UPRT: variants seen among roughly 807,000 people sequenced by gnomAD.
UPRT encodes RP11-311P8.3.
Under a neutral mutation model 22.6 loss-of-function variants are expected in UPRT, and 5 were observed. The ratio of observed to expected loss-of-function variants is 0.22; its 90% confidence interval spans 0.12 to 0.47. The LOEUF (loss-of-function observed/expected upper bound fraction) is 0.47, where lower values mean the gene tolerates loss of function less well. UPRT is among the 20% of genes least tolerant of loss of function. The pLI, the probability that UPRT is intolerant of heterozygous loss-of-function variation, is 0.99. For synonymous variants in UPRT, 77 were observed against 87.7 expected (o/e 0.88, Z 0.68); for missense variants, 181 against 239.9 (o/e 0.75, Z 1.62).
At chrX:75,240,354 A>G (rs910585154) in intron 4 of UPRT, among the ~76,000 whole-genome samples, 20 of 111,474 alleles carry the variant, frequency 1.8e-4, no homozygotes, top group Non-Finnish European at 3.0e-4. Context: ...CAACAGCTGC[A>G]AAAAACAAAA....
chrX:75,172,604 A>T (rs2082231465), intron 4 of UPRT, among the ~76,000 whole-genome samples: 1 of 111,557 alleles, frequency 9.0e-6, no homozygotes, highest in South Asian at 3.9e-4. Context: ...CCTTGCGGTG[A>T]GTGTTACAGC....
intron 4 of UPRT, among the ~76,000 whole-genome samples, chrX:75,246,029 T>A (rs1485370623): frequency 8.9e-6 from 1 of 111,772 alleles, no homozygotes; most frequent in East Asian, 2.8e-4. Flanking sequence ...AATGTCAACA[T>A]TGGAAGAAAA....
At chrX:75,185,879 A>G (rs756457430) in intron 4 of UPRT, among the ~76,000 whole-genome samples, 2 of 110,676 alleles carry the variant, frequency 1.8e-5, no homozygotes, top group Non-Finnish European at 3.8e-5. Context: ...CCCCTTTATC[A>G]TTTTTTACTG....
At chrX:75,179,830 C>T (rs1034218515) in intron 4 of UPRT, among the ~76,000 whole-genome samples, 2 of 112,831 alleles carry the variant, frequency 1.8e-5, no homozygotes, top group Non-Finnish European at 3.8e-5. Flanking sequence ...CCCGCCAAGC[C>T]CACACCTACC....
At chrX:75,221,156 AG>A (rs751832959) in intron 4 of UPRT, among the ~76,000 whole-genome samples, 4 of 111,045 alleles carry the variant, frequency 3.6e-5, no homozygotes, top group African/African-American at 1.3e-4. Flanking sequence ...CTCGCCTGTA[AG>A]ATTTCCACTG....
At chrX:75,187,826 G>A (rs757194755) in intron 4 of UPRT, among the ~76,000 whole-genome samples, 1 of 111,953 alleles carries the variant, frequency 8.9e-6, no homozygotes, top group Admixed American at 9.5e-5. Context: ...AGCTCCTGAG[G>A]CTTCTGCATT....
At chrX:75,270,958 A>G (rs1163301962), upstream of UPRT, among the ~76,000 whole-genome samples, 1 of 111,576 alleles carries the variant, frequency 9.0e-6, no homozygotes, top group East Asian at 2.8e-4. Flanking sequence ...ATATATCTAA[A>G]CAAGAAGGTG....
At chrX:75,253,941 A>G (rs974623587) in intron 4 of UPRT, among the ~76,000 whole-genome samples, 2 of 111,449 alleles carry the variant, frequency 1.8e-5, no homozygotes, top group Non-Finnish European at 3.8e-5. Flanking sequence ...CTAGCAACCC[A>G]TCTCTGCCTG....
At chrX:75,266,746 A>T (rs1487426962) in intron 4 of UPRT, among the ~76,000 whole-genome samples, 2 of 111,606 alleles carry the variant, frequency 1.8e-5, no homozygotes. Context: ...ATTTAGAATT[A>T]AAAAAACAAC....
At chrX:75,275,665 C>G (rs779608153) in intron 1 of UPRT, among the ~76,000 whole-genome samples, 1 of 111,378 alleles carries the variant, frequency 9.0e-6, no homozygotes, top group South Asian at 3.8e-4. Flanking sequence ...ACTCAGCAAC[C>G]TTCTTTGGCT....
At chrX:75,231,250 G>A (rs1185327699) in intron 4 of UPRT, among the ~76,000 whole-genome samples, 7 of 111,635 alleles carry the variant, frequency 6.3e-5, no homozygotes, top group Non-Finnish European at 1.3e-4. Context: ...ATATCATAAA[G>A]AAAAGACAAT....
At chrX:75,262,026 G>A (rs1367391146) in intron 4 of UPRT, among the ~76,000 whole-genome samples, 1 of 111,333 alleles carries the variant, frequency 9.0e-6, no homozygotes, top group Admixed American at 9.6e-5. Flanking sequence ...GTTAAGGGCA[G>A]CCAGAGAGAA....
chrX:75,247,257 T>C (rs1211789904), intron 4 of UPRT, among the ~76,000 whole-genome samples: 2 of 110,560 alleles, frequency 1.8e-5, no homozygotes, highest in African/African-American at 3.3e-5. Flanking sequence ...CAGCACACCG[T>C]GTGTGGGCTG....
intron 4 of UPRT, among the ~76,000 whole-genome samples, chrX:75,227,913 T>G (rs1279798643): frequency 1.8e-5 from 2 of 112,591 alleles, no homozygotes; most frequent in Admixed American, 9.4e-5. Flanking sequence ...TTTAGTCAAC[T>G]TCAGCATTGC....
rs1272281936 is a variant in UPRT, at chrX:75,257,584, T to C, written c.-446-33440T>C. Among the ~76,000 whole-genome samples the C allele has an allele frequency of 3.6e-5, 4 of 111,853 alleles. No individual in the cohort carries two copies. The Admixed American group carries it at 3.8e-4, about 11-fold the overall frequency. On this transcript the variant is annotated intron_variant, in intron 4 of 13. Transcript: ENST00000652605. ...GATAAAGAGAAAGTTAAACTGTCAC[T>C]GTTGATGATATGATTGTTTACCTAG...
intron 4 of UPRT, among the ~76,000 whole-genome samples, chrX:75,175,085 T>C (rs2082242594): frequency 9.0e-6 from 1 of 110,870 alleles, no homozygotes; most frequent in Admixed American, 9.7e-5. Flanking sequence ...GCTGCTGCTC[T>C]CCCCTCTCCT....
chrX:75,189,665 C>T (rs1001509896), intron 4 of UPRT, among the ~76,000 whole-genome samples: 1 of 111,919 alleles, frequency 8.9e-6, no homozygotes, highest in African/African-American at 3.3e-5. Flanking sequence ...TCTGGGTGCT[C>T]CTGTATTGGG....
At chrX:75,177,924 G>A (rs1289540189) in intron 4 of UPRT, among the ~76,000 whole-genome samples, 4 of 112,531 alleles carry the variant, frequency 3.6e-5, no homozygotes, top group African/African-American at 1.3e-4. Flanking sequence ...CCTCAGAGAA[G>A]AGAGGTGAGA....
chrX:75,240,496 C>A (rs1284705262), intron 4 of UPRT, among the ~76,000 whole-genome samples: 1 of 111,463 alleles, frequency 9.0e-6, no homozygotes, highest in Non-Finnish European at 1.9e-5. Flanking sequence ...GGATGGGGAG[C>A]ACACTGCTGA....
Sources: gnomAD v4.1 joint callset for allele counts (sites outside exome capture counted in the v4.1 genomes callset) on GRCh38, gnomAD v4.1.1 for gene constraint, MANE v1.5 for transcripts, NCBI Gene and HGNC (gene_info 2026-07-23, HGNC 2026-07-21) for gene names.